Variants in PPP1CC observed in about 807,000 individuals in gnomAD.
PPP1CC encodes serine/threonine-protein phosphatase PP1-gamma catalytic subunit.
Under a neutral mutation model 38.4 loss-of-function variants are expected in PPP1CC, and 16 were observed. The ratio of observed to expected loss-of-function variants is 0.42; its 90% CI spans 0.28 to 0.63. The LOEUF is 0.63. Among genes scored for constraint, PPP1CC ranks in the 30% least tolerant of loss-of-function variants. The pLI is 0.25. For missense variants in PPP1CC, 170 were observed against 391.3 expected (o/e 0.43, Z 4.77); for synonymous variants, 158 against 136.0 (o/e 1.16, Z -1.13).
chr12:110,742,793 G>C lies in PPP1CC; in HGVS notation c.-86C>G, dbSNP rs1031120849. On this transcript the variant is annotated 5_prime_UTR_variant, in exon 1 of 7. Coordinates refer to ENST00000335007, the MANE Select transcript of PPP1CC (RefSeq NM_002710.4). Reference sequence around the variant, plus strand: ...CACCTCCTTTCCCACGCCACGAGCAGAGGCGGTGGTGGCGGCGGTGGCAGC... The same window carrying C: ...CACCTCCTTTCCCACGCCACGAGCACAGGCGGTGGTGGCGGCGGTGGCAGC... 2.6e-6 allele frequency: 3 copies of C among 1,157,746 alleles called. No homozygotes were observed. The highest frequency in any genetic ancestry group is 3.4e-6 in the Non-Finnish European group (3 of 894,514). The allele number at this position is 1,157,746 out of a possible 1,614,324, so 71.7% of individuals were successfully genotyped here.
downstream of PPP1CC, among the ~76,000 whole-genome samples, chr12:110,718,237 T>C (rs971159828): frequency 6.6e-6 from 1 of 152,124 alleles, no homozygotes; most frequent in Non-Finnish European, 1.5e-5. Flanking sequence ...CAGGCCTAGT[T>C]TGTGTACCAA....
chr12:110,736,132 C>A (rs1298539970), intron 1 of PPP1CC, among the ~76,000 whole-genome samples: 3 of 152,032 alleles, frequency 2.0e-5, no homozygotes, highest in Non-Finnish European at 4.4e-5. Context: ...AAAAGCAACA[C>A]CAACTTAGAC....
chr12:110,731,569 T>TA (rs1209998326), intron 2 of PPP1CC, among the ~76,000 whole-genome samples: 328 of 152,170 alleles, frequency 2.2e-3, no homozygotes, highest in African/African-American at 7.8e-3. Context: ...ATATTTTTTT[T>TA]AAAAATCTGA....
Position 110,719,870 on chromosome 12 carries a change from G to A in PPP1CC, c.*1206C>T. On this transcript the variant is annotated 3_prime_UTR_variant, in exon 7 of 7. Coordinates refer to ENST00000335007, the MANE Select transcript of PPP1CC (RefSeq NM_002710.4). ...TCAATATGCCATCAACAGTTCTCCT[G>A]TGTGTATTGTGCTGATAAATAGACA... The A allele has an allele frequency of 2.4e-6, 1 of 421,168 alleles. No individual in the cohort carries two copies. Among genetic ancestry groups the A allele is most frequent in the Non-Finnish European group, 4.2e-6 (1 of 236,650 alleles). 26.1% of individuals were successfully genotyped at this position (421,168 alleles called of 1,614,324 possible).
At position 110,722,276 on chromosome 12, in the gene PPP1CC, G is replaced by A. The variant is rs2069748292; in HGVS notation, c.748-7C>T. ...CATATCCATCTTCAACCACCTTGAA[G>A]AGAAAATTTTTTCAATATAAATAGG... On this transcript the variant is annotated splice_polypyrimidine_tract_variant and splice_region_variant and intron_variant, in intron 5 of 6. Transcript: ENST00000335007. This position sits in a 1 kb window ranked among gnomAD's most constrained non-coding sequence, Gnocchi z 5.4. 1.2e-6 allele frequency: 2 copies of A among 1,612,712 alleles called. No homozygotes were observed. The highest frequency in any genetic ancestry group is 2.7e-5 in the African/African-American group (2 of 74,772).
At chr12:110,711,151 C>T in the PPP1CC span, among the ~76,000 whole-genome samples, 4 of 151,484 alleles carry the variant, frequency 2.6e-5, no homozygotes, top group Admixed American at 2.6e-4. Flanking sequence ...CCAGCCTGGG[C>T]GACAGAGTGA....
intron 1 of PPP1CC, 88 bp downstream of exon 1, chr12:110,742,565 G>T: frequency 1.4e-5 from 16 of 1,154,402 alleles, no homozygotes; most frequent in Non-Finnish European, 1.8e-5. Flanking sequence ...AGCCCAACCG[G>T]CCTCCCAACT....
In PPP1CC at chr12:110,719,892, G is replaced by C. The variant is rs1566080046; in HGVS notation, c.*1184C>G. On this transcript the variant is annotated 3_prime_UTR_variant, in exon 7 of 7. Coordinates refer to ENST00000335007, the MANE Select transcript of PPP1CC (RefSeq NM_002710.4). ...CCTGTGTGTATTGTGCTGATAAATAGACACTGAGAAGATTTAACAAGTTCA... is the reference window on the plus strand; with the variant it reads ...CCTGTGTGTATTGTGCTGATAAATACACACTGAGAAGATTTAACAAGTTCA... The C allele has an allele frequency of 2.1e-6, 1 of 474,082 alleles. No homozygotes were observed. Among genetic ancestry groups the C allele is most frequent in the East Asian group, 3.4e-5 (1 of 29,648 alleles). The allele number at this position is 474,082 out of a possible 1,614,324, so 29.4% of individuals were successfully genotyped here. A position where few individuals can be genotyped will look rare whatever the true frequency, so the allele number is the denominator to read the frequency against.
downstream of PPP1CC, among the ~76,000 whole-genome samples, chr12:110,717,538 C>A (rs10083038): frequency 1.3e-4 from 20 of 152,062 alleles, no homozygotes; most frequent in African/African-American, 4.6e-4. Context: ...GGACTACATG[C>A]GCCCATCACC....
At chr12:110,709,004 A>G in the PPP1CC span, among the ~76,000 whole-genome samples, 52 of 152,134 alleles carry the variant, frequency 3.4e-4, no homozygotes, top group Non-Finnish European at 7.2e-4. Flanking sequence ...AGAGAATCCC[A>G]TGGATAAAGA....
chr12:110,725,025 ACC>A, intron 3 of PPP1CC: 1 of 271,806 alleles, frequency 3.7e-6, no homozygotes, highest in Non-Finnish European at 7.2e-6. Context: ...GGAGTTCAAG[ACC>A]ATCTTGGGCA....
downstream of PPP1CC, among the ~76,000 whole-genome samples, chr12:110,715,655 G>T (rs973253828): frequency 6.6e-6 from 1 of 151,808 alleles, no homozygotes; most frequent in Non-Finnish European, 1.5e-5. Context: ...AGTTTTGCTC[G>T]TTGCCCAGGC....
chr12:110,741,531 T>C (rs940929383), intron 1 of PPP1CC, among the ~76,000 whole-genome samples: 1 of 152,172 alleles, frequency 6.6e-6, no homozygotes, highest in Non-Finnish European at 1.5e-5. Flanking sequence ...CATTTCAGCT[T>C]CCGTCTTTAA....
At chr12:110,717,001 T>C (rs1593568227), downstream of PPP1CC, among the ~76,000 whole-genome samples, 1 of 152,342 alleles carries the variant, frequency 6.6e-6, no homozygotes, top group East Asian at 1.9e-4. Context: ...CAAGGATGAA[T>C]GAAAAGTGAC....
chr12:110,730,685 G>C lies in PPP1CC; in HGVS notation c.262C>G (p.Leu88Val). 1 of 1,614,124 alleles carries C rather than the reference G, an allele frequency of 6.2e-7. No homozygotes were observed. The highest frequency in any genetic ancestry group is 8.5e-7 in the Non-Finnish European group (1 of 1,180,016). Reference protein sequence around the residue: ...YGGFPPESNYLFLGDYVDRGK... With the variant: ...YGGFPPESNYVFLGDYVDRGK... ...CTGTCCACATAGTCCCCAAGAAACAGGTAGTTGCTTTCTGGTGGGAAACCA... is the reference window on the plus strand; with the variant it reads ...CTGTCCACATAGTCCCCAAGAAACACGTAGTTGCTTTCTGGTGGGAAACCA... The change falls in exon 3 of 7, where the codon CTG becomes GTG. Residue 88 changes from leucine to valine, a missense_variant. Physicochemically the swap from Leu to Val is conservative, Grantham distance 32. Transcript: ENST00000335007.
intron 1 of PPP1CC, among the ~76,000 whole-genome samples, chr12:110,739,754 G>A (rs989939817): frequency 6.6e-6 from 1 of 152,060 alleles, no homozygotes; most frequent in Non-Finnish European, 1.5e-5. Context: ...CACCTGCTAT[G>A]CAAAAAAAAT....
intron 1 of PPP1CC, among the ~76,000 whole-genome samples, chr12:110,738,307 A>C (rs1488842999): frequency 1.3e-5 from 2 of 152,216 alleles, no homozygotes; most frequent in African/African-American, 4.8e-5. Flanking sequence ...GAATTCCATA[A>C]GCTCCATGGA....
intron 4 of PPP1CC, among the ~76,000 whole-genome samples, chr12:110,724,154 C>T (rs886811414): frequency 4.6e-5 from 7 of 152,060 alleles, no homozygotes; most frequent in Non-Finnish European, 1.0e-4. Context: ...AGGAGAATGG[C>T]GTGAACCTGG....
In PPP1CC at chr12:110,722,152, G is replaced by A; in HGVS notation, c.865C>T (p.Leu289=). The change falls in exon 6 of 7, where the codon CTA becomes TTA. Residue 289 remains leucine (L), a synonymous_variant. Transcript: ENST00000335007. The surrounding 1 kb of genome is among the most constrained non-coding windows in gnomAD (Gnocchi z 5.4). ...TGCTCTACCTGAAAAGAACACATTA[G>A]TGTTTCATCCACACTCATCATGGCA... ...AGAMMSVDET[L]MCSFQILKPA... 6.2e-7 allele frequency: 1 copy of A among 1,614,122 alleles called. No individual in the cohort carries two copies. The highest frequency in any genetic ancestry group is 1.3e-5 in the African/African-American group (1 of 75,052).
Sources: gnomAD v4.1 joint callset for allele counts (sites outside exome capture counted in the v4.1 genomes callset) on GRCh38, gnomAD v4.1.1 for gene constraint, Gnocchi (gnomAD v3.1) non-coding constraint, MANE v1.5 for transcripts, NCBI Gene and HGNC (gene_info 2026-07-23, HGNC 2026-07-21) for gene names.